The following KLHL22 variants were observed in gnomAD, a reference collection of about 807,000 sequenced individuals.
KLHL22 encodes the protein kelch like family member 22, also known as kelch-like protein 22.
KLHL22 carries 18 observed loss-of-function variants against 60.7 expected under a neutral mutation model. The ratio of observed to expected loss-of-function variants is 0.30; its 90% CI spans 0.20 to 0.44. The LOEUF is 0.44. Among genes scored for constraint, KLHL22 ranks in the 20% least tolerant of loss-of-function variants. KLHL22 has a pLI of 1.00. For missense variants in KLHL22, 596 were observed against 852.3 expected, an observed-to-expected ratio of 0.70 and a Z score of 3.74; for synonymous variants, 355 against 354.5, an observed-to-expected ratio of 1.00 and a Z score of -0.01.
chr22:20,483,305 C>A, intron 2 of KLHL22: 1 of 714,616 alleles, frequency 1.4e-6, no homozygotes, highest in Non-Finnish European at 2.6e-6. Flanking sequence ...CAGTACTTGT[C>A]CAGCTCCTGT....
rs761675662 is a variant in KLHL22 at position 20,446,497 on chromosome 22, C to G, written c.1485G>C (p.Leu495=). The part of the protein sequence containing the change: ...WHGMATLLNK[L]YVIGGSNNDA... ...CGTTGTTGCTGCCCCCGATCACATA[C>G]AGCTTGTTGAGGAGGGTTGCCATGC... The change falls in exon 6 of 7, where the codon CTG becomes CTC. Residue 495 remains leucine, a synonymous_variant. Transcript: ENST00000328879. 4.0e-5 allele frequency: 64 copies of G among 1,612,994 alleles called. No individual in the cohort carries two copies.
chr22:20,483,988 C>G, intron 2 of KLHL22: 1 of 703,926 alleles, frequency 1.4e-6, no homozygotes, highest in Non-Finnish European at 2.6e-6. Flanking sequence ...CCAGAGCCCT[C>G]GGTGCCTGCA....
Position 20,441,593 on chromosome 22 carries a change from G to A in KLHL22, c.*480C>T, listed in dbSNP as rs1043468081. The A allele has an allele frequency of 5.7e-6, 1 of 176,284 alleles. No homozygotes were observed. Among genetic ancestry groups the A allele is most frequent in the African/African-American group, 2.4e-5 (1 of 41,850 alleles). The allele number at this position is 176,284 out of a possible 1,614,324, so 10.9% of individuals were successfully genotyped here. Reference sequence around the variant, plus strand: ...GGGGTCTGAAAACCCAGCGGGAGGGGTCTTTTTATCACAGAGCCAGTCCCA... The same window carrying A: ...GGGGTCTGAAAACCCAGCGGGAGGGATCTTTTTATCACAGAGCCAGTCCCA... On this transcript the variant is annotated 3_prime_UTR_variant, in exon 7 of 7. Transcript: ENST00000328879.
At chr22:20,458,071 G>A (rs907023664) in intron 4 of KLHL22, 71 bp from the exon 5 acceptor site, 1 of 1,533,392 alleles carries the variant, frequency 6.5e-7, no homozygotes, top group Non-Finnish European at 8.9e-7. Flanking sequence ...TGCACCTCTT[G>A]TTCTGGTCCC....
Position 20,452,310 on chromosome 22 carries a change from G to A in KLHL22, c.1305+5498C>T, listed in dbSNP as rs537936629. Among the ~76,000 whole-genome samples the A allele has an allele frequency of 7.2e-5, 11 of 151,964 alleles. 1 individual carries two copies. In the South Asian group the frequency reaches 2.3e-3, roughly 32 times the overall value. On this transcript the variant is annotated intron_variant, in intron 5 of 6. Coordinates refer to ENST00000328879, the MANE Select transcript of KLHL22 (RefSeq NM_032775.4). ...ATTTTCTAATCTACAGGTAGCTAGG[G>A]GCAACACAGTTCCATTCTAAAGGGA...
At chr22:20,457,262 G>A (rs1486599331) in intron 5 of KLHL22, among the ~76,000 whole-genome samples, 1 of 151,742 alleles carries the variant, frequency 6.6e-6, no homozygotes, top group African/African-American at 2.4e-5. Context: ...TATTATATAG[G>A]ATGCACGTGA....
rs957641672 is a variant in KLHL22 at position 20,465,139 on chromosome 22, G to A, written c.831C>T (p.His277=). Residue 277 remains histidine (H), a synonymous_variant, in exon 4 of 7, where the codon CAC becomes CAT. Coordinates refer to ENST00000328879, the MANE Select transcript of KLHL22 (RefSeq NM_032775.4). This position sits in a 1 kb window ranked among gnomAD's most constrained non-coding sequence, Gnocchi z 4.9. ...RDTVASALMY[H]RNESLQPSLQ... is the part of the protein sequence containing the mutation. ...GGCTGGGCTGTAGGCTCTCGTTCCG[G>A]TGGTACATGAGGGCGCTGGCCACTG... 4 of 1,613,860 alleles carry A rather than the reference G, an allele frequency of 2.5e-6. No homozygotes were observed. Among genetic ancestry groups the A allele is most frequent in the Non-Finnish European group, 3.4e-6 (4 of 1,180,042 alleles).
At chr22:20,450,993 G>A in intron 5 of KLHL22, 1 of 1,562,532 alleles carries the variant, frequency 6.4e-7, no homozygotes, top group Middle Eastern at 1.7e-4. Flanking sequence ...TCGGAAGCCA[G>A]CAGTCTCCCA....
chr22:20,463,957 T>C (rs1299583528), intron 4 of KLHL22, among the ~76,000 whole-genome samples: 3 of 152,156 alleles, frequency 2.0e-5, no homozygotes, highest in Non-Finnish European at 4.4e-5. Flanking sequence ...TCAGTCAGCA[T>C]CTAGCTCATG....
At chr22:20,459,688 A>G (rs1452639174) in intron 4 of KLHL22, among the ~76,000 whole-genome samples, 2 of 152,204 alleles carry the variant, frequency 1.3e-5, no homozygotes, top group Admixed American at 6.5e-5. Flanking sequence ...GAATGAATTA[A>G]ACAAAGGAGT....
At chr22:20,475,137 C>T (rs1316595126) in intron 2 of KLHL22, 5 of 151,222 alleles carry the variant, frequency 3.3e-5, no homozygotes, top group African/African-American at 7.3e-5. Context: ...GGAGTTTCCC[C>T]GATCTTTTGA....
chr22:20,451,839 C>T (rs766920218), intron 5 of KLHL22: 7 of 1,597,294 alleles, frequency 4.4e-6, no homozygotes, highest in Non-Finnish European at 6.0e-6. Context: ...TGTTGGAGCA[C>T]CATCCAGAGC....
At chr22:20,471,614 G>C in intron 2 of KLHL22, 99 bp from the exon 3 acceptor site, 1 of 1,332,944 alleles carries the variant, frequency 7.5e-7, no homozygotes, top group Non-Finnish European at 1.0e-6. Flanking sequence ...TGGCGCTGGT[G>C]GCAGGGCCCT....
In KLHL22 at chr22:20,441,639, C is replaced by T. The variant is rs2287256; in HGVS notation, c.*434G>A. ...TCCCAGGCGAGCTGATGCATCTCTGCTCCTCTGCCCCTCAGGAGCTCTCAT... is the reference window on the plus strand; with the variant it reads ...TCCCAGGCGAGCTGATGCATCTCTGTTCCTCTGCCCCTCAGGAGCTCTCAT... On this transcript the variant is annotated 3_prime_UTR_variant, in exon 7 of 7. Transcript: ENST00000328879. The T allele has an allele frequency of 2.8e-3, 527 of 188,138 alleles. 17 individuals are homozygous for T. In the East Asian group the frequency reaches 0.062, roughly 22 times the overall value. 11.7% of individuals were successfully genotyped at this position (188,138 alleles called of 1,614,324 possible). A position where few individuals can be genotyped will look rare whatever the true frequency, so the allele number is the denominator to read the frequency against.
At chr22:20,444,880 G>C (rs867366932) in intron 6 of KLHL22, among the ~76,000 whole-genome samples, 6 of 151,976 alleles carry the variant, frequency 3.9e-5, no homozygotes, top group Non-Finnish European at 7.4e-5. Context: ...AACCTCCTGG[G>C]CTCAGTTGAT....
chr22:20,478,483 C>T (rs867256635), intron 2 of KLHL22, among the ~76,000 whole-genome samples: 4 of 148,632 alleles, frequency 2.7e-5, no homozygotes, highest in Non-Finnish European at 5.9e-5. Context: ...GGGATTGAGC[C>T]ACCAAGCCCG....
intron 5 of KLHL22, among the ~76,000 whole-genome samples, chr22:20,449,882 T>C (rs1409880328): frequency 1.3e-5 from 2 of 152,212 alleles, no homozygotes; most frequent in African/African-American, 2.4e-5. Context: ...CCTAGCTAGA[T>C]CCTCAAGATT....
At chr22:20,461,970 C>CA (rs2053161561) in intron 4 of KLHL22, among the ~76,000 whole-genome samples, 1 of 152,004 alleles carries the variant, frequency 6.6e-6, no homozygotes, top group South Asian at 2.1e-4. Context: ...TGGTGGCGTA[C>CA]ACCGGTAATC....
chr22:20,455,040 C>T (rs953561680), intron 5 of KLHL22, among the ~76,000 whole-genome samples: 2 of 152,144 alleles, frequency 1.3e-5, no homozygotes, highest in African/African-American at 4.8e-5. Context: ...TGCCACCATG[C>T]TCAGCTAATT....
Sources: allele counts gnomAD v4.1 joint callset (sites outside exome capture counted in the v4.1 genomes callset), GRCh38; gene constraint gnomAD v4.1.1; non-coding constraint Gnocchi (gnomAD v3.1); transcripts MANE v1.5; gene names NCBI Gene and HGNC (gene_info 2026-07-23, HGNC 2026-07-21).